The following NPIPB2 variants were observed in gnomAD, a reference collection of about 807,000 sequenced individuals.
NPIPB2 encodes nuclear pore complex-interacting protein family member B2.
In NPIPB2, 27 loss-of-function variants were observed where a neutral mutation model predicts 30.8. The ratio of observed to expected loss-of-function variants is 0.88; its 90% CI spans 0.65 to 1.21. NPIPB2 has a LOEUF of 1.21. Ranked by LOEUF, NPIPB2 falls within the 50% of genes most tolerant of loss-of-function variation. NPIPB2 has a pLI of 0.00. For missense variants in NPIPB2, 440 were observed against 446.2 expected (o/e 0.99, Z 0.13); for synonymous variants, 147 against 162.0 (o/e 0.91, Z 0.70).
rs999196839 is a variant in NPIPB2 at position 11,941,648 on chromosome 16, C to A, written c.63+335G>T. ...CCACCAAACCTTCTTCGGTCTGGGC[C>A]CTCCCTTACCAACCCTGGGGCTTTA... On this transcript the variant is annotated intron_variant, in intron 1 of 7. Coordinates refer to ENST00000399147, the Ensembl canonical transcript of NPIPB2. Among the ~76,000 whole-genome samples the A allele has an allele frequency of 2.0e-5, 3 of 151,686 alleles. No homozygotes were observed. The East Asian group carries it at 5.8e-4, about 29-fold the overall frequency.
At chr16:11,958,559 C>G (rs1430306221) in intron 1 of NPIPB2, among the ~76,000 whole-genome samples, 1 of 151,984 alleles carries the variant, frequency 6.6e-6, no homozygotes, top group Non-Finnish European at 1.5e-5. Context: ...GCAAGACCCC[C>G]ATCTTTGCAA....
exon 5 of NPIPB2, chr16:11,930,515 C>T: frequency 6.3e-7 from 1 of 1,588,658 alleles, no homozygotes; most frequent in Non-Finnish European, 8.5e-7. Context: ...CCTGCCTCTC[C>T]TTTTCTGCAT....
At chr16:11,960,470 C>G (rs1309763934) in intron 1 of NPIPB2, among the ~76,000 whole-genome samples, 1 of 151,608 alleles carries the variant, frequency 6.6e-6, no homozygotes, top group African/African-American at 2.4e-5. Flanking sequence ...AATTGCCCTG[C>G]CTCAGGCTCC....
At chr16:11,963,069 C>G (rs1337470688) in intron 1 of NPIPB2, among the ~76,000 whole-genome samples, 1 of 151,794 alleles carries the variant, frequency 6.6e-6, no homozygotes, top group East Asian at 1.9e-4. Context: ...AACAAACAAA[C>G]AAACAAACAA....
chr16:11,942,099 C>T (rs1467146508), upstream of NPIPB2: 8 of 1,530,716 alleles, frequency 5.2e-6, no homozygotes, highest in Non-Finnish European at 7.0e-6. Flanking sequence ...ATCCATGTAG[C>T]CATCTGTCCA....
chr16:11,961,742 C>G (rs985898378), intron 1 of NPIPB2, among the ~76,000 whole-genome samples: 3 of 149,956 alleles, frequency 2.0e-5, no homozygotes, highest in Non-Finnish European at 4.4e-5. Flanking sequence ...ATTTTGCCAC[C>G]ACACTCCAGC....
At chr16:11,959,573 G>C (rs1476078569) in intron 1 of NPIPB2, among the ~76,000 whole-genome samples, 1 of 151,742 alleles carries the variant, frequency 6.6e-6, no homozygotes, top group African/African-American at 2.4e-5. Context: ...GGGTGACAGA[G>C]GGAGACCCCG....
At chr16:11,969,176 C>G (rs1003099177) in intron 1 of NPIPB2, among the ~76,000 whole-genome samples, 8 of 151,880 alleles carry the variant, frequency 5.3e-5, no homozygotes, top group Admixed American at 4.6e-4. Context: ...CCCAGTCATA[C>G]GCTTCTATGG....
At chr16:11,942,919 C>G (rs2054958478), upstream of NPIPB2, among the ~76,000 whole-genome samples, 1 of 151,666 alleles carries the variant, frequency 6.6e-6, no homozygotes, top group South Asian at 2.1e-4. Context: ...TTACCATTTA[C>G]TATGACATAA....
chr16:11,953,590 T>C (rs2055086398), intron 1 of NPIPB2, among the ~76,000 whole-genome samples: 1 of 152,268 alleles, frequency 6.6e-6, no homozygotes, highest in Non-Finnish European at 1.5e-5. Flanking sequence ...GACCTCGTGA[T>C]TCACCCACCT....
intron 1 of NPIPB2, among the ~76,000 whole-genome samples, chr16:11,958,838 G>A (rs1411804640): frequency 6.6e-6 from 1 of 152,190 alleles, no homozygotes; most frequent in African/African-American, 2.4e-5. Context: ...GCTACCATGG[G>A]TGAGTGTTAC....
At chr16:11,976,432 A>G (rs2055298258) in intron 1 of NPIPB2, 1 of 230,752 alleles carries the variant, frequency 4.3e-6, no homozygotes, top group African/African-American at 2.3e-5. Flanking sequence ...CCGTTCCTCT[A>G]TTTTTATTTC....
intron 1 of NPIPB2, among the ~76,000 whole-genome samples, chr16:11,958,437 A>G (rs1295431398): frequency 6.6e-6 from 1 of 151,892 alleles, no homozygotes; most frequent in Non-Finnish European, 1.5e-5. Context: ...AAAAAAAAAA[A>G]AAAAATCCTA....
upstream of NPIPB2, among the ~76,000 whole-genome samples, chr16:11,946,285 T>G (rs2055008587): frequency 6.8e-6 from 1 of 147,154 alleles, no homozygotes; most frequent in Non-Finnish European, 1.5e-5. Context: ...CTTGGGAGGC[T>G]GAGGCAGGAG....
intron 1 of NPIPB2, among the ~76,000 whole-genome samples, chr16:11,960,262 C>A (rs909884972): frequency 1.3e-5 from 2 of 151,946 alleles, no homozygotes; most frequent in African/African-American, 2.4e-5. Flanking sequence ...AGTACCTGAG[C>A]AAGTATATCT....
intron 1 of NPIPB2, among the ~76,000 whole-genome samples, chr16:11,975,217 G>A (rs1338056524): frequency 1.8e-3 from 163 of 90,862 alleles, no homozygotes; most frequent in Non-Finnish European, 2.7e-3. Flanking sequence ...GCGGGATCTC[G>A]GCTCACTGCA....
upstream of NPIPB2, among the ~76,000 whole-genome samples, chr16:11,944,401 G>A (rs141268009): frequency 5.9e-5 from 9 of 151,592 alleles, no homozygotes; most frequent in South Asian, 2.1e-4. Context: ...TCCTGACCTC[G>A]TGTGATCTGC....
intron 1 of NPIPB2, among the ~76,000 whole-genome samples, chr16:11,963,453 G>A (rs542097663): frequency 2.0e-5 from 3 of 151,848 alleles, no homozygotes; most frequent in African/African-American, 7.2e-5. Flanking sequence ...AGAAGGGATG[G>A]CAGGTTTCCT....
At chr16:11,951,666 A>ACCCC (rs376438093) in intron 1 of NPIPB2, among the ~76,000 whole-genome samples, 128 of 138,962 alleles carry the variant, frequency 9.2e-4, no homozygotes, top group South Asian at 8.2e-3. Context: ...ACACACACAC[A>ACCCC]CCCAGCCCCC....
Sources: gnomAD v4.1 joint callset for allele counts (sites outside exome capture counted in the v4.1 genomes callset) on GRCh38, gnomAD v4.1.1 for gene constraint, MANE v1.5 for transcripts, NCBI Gene and HGNC (gene_info 2026-07-23, HGNC 2026-07-21) for gene names.